The following SPG7 variants were observed in gnomAD, a reference collection of about 807,000 sequenced individuals.
SPG7 encodes mitochondrial inner membrane m-AAA protease component paraplegin.
SPG7 carries 103 observed loss-of-function variants against 81.9 expected under a neutral mutation model. That is an observed-to-expected ratio of 1.26 (90% CI 1.07 to 1.48). The LOEUF (loss-of-function observed/expected upper bound fraction) is 1.48, where lower values mean the gene tolerates loss of function less well. SPG7 is among the 40% of genes most tolerant of loss of function. The pLI, the probability that SPG7 is intolerant of heterozygous loss-of-function variation, is 0.00. For missense variants in SPG7, 1,241 were observed against 1,087.3 expected (o/e 1.14, Z -1.99); for synonymous variants, 534 against 444.2 (o/e 1.20, Z -2.54).
At chr16:89,539,704 C>G (rs928700762) in intron 9 of SPG7, 2 of 151,974 alleles carry the variant, frequency 1.3e-5, no homozygotes, top group African/African-American at 4.8e-5. Context: ...GTAGCTGGGA[C>G]CACAGGTGTG....
In SPG7 at chr16:89,557,080, C is replaced by T. The variant is rs2058694896; in HGVS notation, c.2375C>T (p.Thr792Ile). The change falls in exon 17 of 17, where the codon ACT (threonine) becomes ATT (isoleucine). Residue 792 changes from threonine to isoleucine, a missense_variant. Thr to Ile is a moderately conservative substitution (Grantham distance 89). Coordinates refer to ENST00000645818, the MANE Select transcript of SPG7 (RefSeq NM_003119.4). ...QQPPLGGEEP[T>I]WPK ...CCTCCACTTGGAGGCGAAGAGCCGA[C>T]TTGGCCCAAGTAGTTGGGAGGTGTT... The T allele has an allele frequency of 6.2e-7, 1 of 1,611,474 alleles. No individual in the cohort carries two copies. The highest frequency in any genetic ancestry group is 8.5e-7 in the Non-Finnish European group (1 of 1,179,916).
chr16:89,553,681 A>C, intron 14 of SPG7, 113 bp from the exon 15 acceptor site: 1 of 1,031,370 alleles, frequency 9.7e-7, no homozygotes, highest in Non-Finnish European at 1.5e-6. Context: ...GGTCCTCGGG[A>C]GGAAGGGGAT....
Position 89,536,563 on chromosome 16 carries a change from G to A in SPG7, c.1324+3927G>A, listed in dbSNP as rs1480523731. Among the ~76,000 whole-genome samples the A allele has an allele frequency of 2.1e-3, 312 of 145,230 alleles. 13 individuals are homozygous for A. Among genetic ancestry groups the A allele is most frequent in the African/African-American group, 7.4e-3 (281 of 37,906 alleles). On this transcript the variant is annotated intron_variant, in intron 9 of 16. Coordinates refer to ENST00000645818, the MANE Select transcript of SPG7 (RefSeq NM_003119.4). ...TCAGGTGAGGCAGGTGAGGTGAGGCGGGTGAGGTCAGGTGAGGCGGGTGAG... is the reference window on the plus strand; with the variant it reads ...TCAGGTGAGGCAGGTGAGGTGAGGCAGGTGAGGTCAGGTGAGGCGGGTGAG...
At chr16:89,529,890 A>G in intron 6 of SPG7, 2 of 394,412 alleles carry the variant, frequency 5.1e-6, no homozygotes, top group Non-Finnish European at 9.7e-6. Flanking sequence ...CCCAGGCTGG[A>G]GTGCAGCCGT....
Position 89,554,037 on chromosome 16 carries a change from G to A in SPG7, c.2103+77G>A, listed in dbSNP as rs1473420423. The A allele has an allele frequency of 2.1e-5, 31 of 1,505,306 alleles. 1 individual carries two copies. In the Middle Eastern group the frequency reaches 1.6e-3, roughly 80 times the overall value. The allele number at this position is 1,505,306 out of a possible 1,614,324, so 93.2% of individuals were successfully genotyped here. ...TCCCTGGGTCTACCACACAAGGGTC[G>A]CCCACGGCCGCCCCAGCGGAGCTCA... On this transcript the variant is annotated intron_variant, in intron 15 of 16. Coordinates refer to ENST00000645818, the MANE Select transcript of SPG7 (RefSeq NM_003119.4).
Position 89,548,104 on chromosome 16 carries a change from G to A in SPG7, c.1654G>A (p.Val552Ile), listed in dbSNP as rs750306995. 191 of 1,603,940 alleles carry A rather than the reference G, an allele frequency of 1.2e-4. No individual in the cohort carries two copies. Among genetic ancestry groups the A allele is most frequent in the Non-Finnish European group, 1.4e-4 (164 of 1,178,532 alleles). Residue 552 changes from valine (V) to isoleucine (I), a missense_variant, in exon 12 of 17, where the codon GTC (valine) becomes ATC (isoleucine). Coordinates refer to ENST00000645818, the MANE Select transcript of SPG7 (RefSeq NM_003119.4). ...TLNFEYAVER[V>I]LAGTAKKSKI... Reference sequence around the variant, plus strand: ...CAACTTCGAGTACGCCGTGGAGCGCGTCCTCGCAGGTACAGGGGGCGCGCC... The same window carrying A: ...CAACTTCGAGTACGCCGTGGAGCGCATCCTCGCAGGTACAGGGGGCGCGCC...
At chr16:89,540,591 C>T (rs1197207874) in intron 9 of SPG7, 2 of 152,712 alleles carry the variant, frequency 1.3e-5, no homozygotes, top group Non-Finnish European at 2.9e-5. Flanking sequence ...ATCTCAAAAA[C>T]AAAACAAAAC....
At chr16:89,519,216 C>G (rs2058150087) in intron 3 of SPG7, 1 of 151,796 alleles carries the variant, frequency 6.6e-6, no homozygotes, top group African/African-American at 2.4e-5. Context: ...AACTCCTGAC[C>G]TCATCATCTG....
At chr16:89,530,601 A>C (rs2058328020) in intron 6 of SPG7, 82 bp from the exon 7 acceptor site, 1 of 1,562,652 alleles carries the variant, frequency 6.4e-7, no homozygotes, top group South Asian at 1.1e-5. Context: ...GGGGCGGCTC[A>C]GGTGCGTGGG....
At chr16:89,542,540 G>A (rs923385760) in intron 9 of SPG7, among the ~76,000 whole-genome samples, 10 of 152,218 alleles carry the variant, frequency 6.6e-5, no homozygotes, top group Non-Finnish European at 1.5e-4. Context: ...ACATTCTGAC[G>A]TGTGGAACCA....
At chr16:89,529,400 A>G (rs906785735) in intron 5 of SPG7, 77 bp from the exon 6 acceptor site, 3 of 877,636 alleles carry the variant, frequency 3.4e-6, no homozygotes, top group African/African-American at 3.3e-5. Context: ...CATTGCCAGC[A>G]GTGGTTCTGA....
At chr16:89,545,990 G>A (rs467449) in intron 10 of SPG7, 12,821 of 419,178 alleles carry the variant, frequency 0.031, 404 homozygotes, top group South Asian at 0.082. Context: ...GTGCGCCGCC[G>A]TGCTGGTTAA....
At chr16:89,539,058 G>C (rs2058464623) in intron 9 of SPG7, 1 of 152,152 alleles carries the variant, frequency 6.6e-6, no homozygotes, top group Admixed American at 6.5e-5. Context: ...TTTCCCAGTG[G>C]GTGTCTTGAC....
intron 7 of SPG7, chr16:89,531,201 A>G: frequency 2.8e-6 from 1 of 355,644 alleles, no homozygotes; most frequent in East Asian, 7.2e-5. Flanking sequence ...TCGCACCTGT[A>G]GTCCTGGCAC....
In SPG7 at chr16:89,529,267, C is replaced by T. The variant is rs554420158; in HGVS notation, c.759-210C>T. 252 of 615,756 alleles carry T rather than the reference C, an allele frequency of 4.1e-4. 1 individual carries two copies. The highest frequency in any genetic ancestry group is 5.5e-4 in the Non-Finnish European group (189 of 340,566). 38.1% of individuals were successfully genotyped at this position (615,756 alleles called of 1,614,324 possible). On this transcript the variant is annotated intron_variant, in intron 5 of 16. Transcript: ENST00000645818. ...CCGGCATCTGCACACTCAGTCTGAC[C>T]ATTTGGGAAGCTTTCATGAAAAAGC...
At chr16:89,508,782 C>G (rs546956550) in intron 1 of SPG7, 182 bp downstream of exon 1, 2 of 760,108 alleles carry the variant, frequency 2.6e-6, no homozygotes, top group South Asian at 2.9e-5. Flanking sequence ...GGATCGTGGG[C>G]GCTGGGCGGG....
At chr16:89,530,208 G>A (rs1196391311) in intron 6 of SPG7, 2 of 307,336 alleles carry the variant, frequency 6.5e-6, no homozygotes, top group East Asian at 8.9e-5. Flanking sequence ...GCAGTGGTGC[G>A]ATCTCAGCTC....
At chr16:89,518,193 G>A (rs1262430727) in intron 3 of SPG7, 1 of 152,184 alleles carries the variant, frequency 6.6e-6, no homozygotes, top group Non-Finnish European at 1.5e-5. Flanking sequence ...GAACTGCATG[G>A]CGTCTGTTCA....
At chr16:89,550,908 C>T (rs900788531) in intron 13 of SPG7, among the ~76,000 whole-genome samples, 2 of 152,150 alleles carry the variant, frequency 1.3e-5, no homozygotes, top group African/African-American at 4.8e-5. Flanking sequence ...AATGGGGTTT[C>T]GCTGCCTTTG....
Sources: gnomAD v4.1 joint callset for allele counts (sites outside exome capture counted in the v4.1 genomes callset) on GRCh38, gnomAD v4.1.1 for gene constraint, MANE v1.5 for transcripts, NCBI Gene and HGNC (gene_info 2026-07-23, HGNC 2026-07-21) for gene names.